PFDN1: variants seen among roughly 807,000 people sequenced by gnomAD.
PFDN1 encodes prefoldin subunit 1.
A neutral mutation model predicts 17.3 loss-of-function variants in PFDN1; 6 were observed. The ratio of observed to expected loss-of-function variants is 0.35; its 90% CI spans 0.19 to 0.69. The LOEUF is 0.69. PFDN1 is among the 30% of genes least tolerant of loss of function. PFDN1 has a pLI of 0.65. For synonymous variants in PFDN1, 58 were observed against 50.1 expected, an observed-to-expected ratio of 1.16 and a Z score of -0.67; for missense variants, 113 against 146.2, an observed-to-expected ratio of 0.77 and a Z score of 1.17.
rs531912777 is a variant in PFDN1 at position 140,301,025 on chromosome 5, T to C, written c.34-443A>G. Among the ~76,000 whole-genome samples the C allele has an allele frequency of 5.9e-5, 9 of 152,326 alleles. No individual in the cohort carries two copies. The East Asian group carries it at 1.7e-3, about 29-fold the overall frequency. On this transcript the variant is annotated intron_variant, in intron 1 of 3. Coordinates refer to ENST00000261813, the MANE Select transcript of PFDN1 (RefSeq NM_002622.5). Reference sequence around the variant, plus strand: ...TAAGAATATTAATGAGGAAATATAATAAATATCTCATTTATGCCTCTCAGT... The same window carrying C: ...TAAGAATATTAATGAGGAAATATAACAAATATCTCATTTATGCCTCTCAGT...
At chr5:140,295,892 G>A (rs1419518109) in intron 2 of PFDN1, among the ~76,000 whole-genome samples, 1 of 151,994 alleles carries the variant, frequency 6.6e-6, no homozygotes, top group African/African-American at 2.4e-5. Context: ...TGAAGATGAG[G>A]AAGGTAAAAT....
intron 3 of PFDN1, among the ~76,000 whole-genome samples, chr5:140,263,500 AC>A (rs1765091348): frequency 6.6e-6 from 1 of 152,230 alleles, no homozygotes; most frequent in Non-Finnish European, 1.5e-5. Context: ...AATAAAAGTT[AC>A]TTATTGTCTC....
chr5:140,251,920 T>A (rs1764919217), intron 3 of PFDN1, among the ~76,000 whole-genome samples: 1 of 152,226 alleles, frequency 6.6e-6, no homozygotes. Context: ...ATACATCTTG[T>A]GACGCTATCA....
intron 2 of PFDN1, among the ~76,000 whole-genome samples, chr5:140,295,761 A>G (rs906081644): frequency 1.3e-5 from 2 of 152,140 alleles, no homozygotes; most frequent in African/African-American, 4.8e-5. Flanking sequence ...AGCCATGTAT[A>G]AGAGGTATTT....
intron 2 of PFDN1, among the ~76,000 whole-genome samples, chr5:140,283,796 A>G (rs935759123): frequency 6.6e-6 from 1 of 152,228 alleles, no homozygotes; most frequent in African/African-American, 2.4e-5. Context: ...GAACAGTACT[A>G]AGTCTCAGTA....
chr5:140,268,285 CTGTT>C (rs555890836), intron 3 of PFDN1, among the ~76,000 whole-genome samples: 2 of 152,008 alleles, frequency 1.3e-5, no homozygotes, highest in African/African-American at 4.8e-5. Context: ...AATGGTGTAA[CTGTT>C]TGCATCAGCA....
intron 1 of PFDN1, among the ~76,000 whole-genome samples, chr5:140,302,310 T>C (rs1427472540): frequency 1.3e-5 from 2 of 152,220 alleles, no homozygotes; most frequent in Non-Finnish European, 2.9e-5. Context: ...GGGTCATTAG[T>C]GGTGTTAGAA....
intron 3 of PFDN1, among the ~76,000 whole-genome samples, chr5:140,261,904 C>T (rs559811137): frequency 1.1e-4 from 17 of 152,142 alleles, no homozygotes; most frequent in African/African-American, 3.4e-4. Context: ...ATGCAGGGCT[C>T]AGATCATGAT....
intron 3 of PFDN1, among the ~76,000 whole-genome samples, chr5:140,279,426 A>G (rs906316050): frequency 1.3e-5 from 2 of 152,136 alleles, no homozygotes; most frequent in African/African-American, 4.8e-5. Context: ...ATTTCTTAAT[A>G]TTCACCAGAA....
chr5:140,287,016 C>T (rs190895461), intron 2 of PFDN1, among the ~76,000 whole-genome samples: 24 of 152,274 alleles, frequency 1.6e-4, no homozygotes, highest in Non-Finnish European at 2.9e-4. Context: ...CGGTCTTTTT[C>T]GTACCATATT....
chr5:140,263,201 T>C (rs377626362), intron 3 of PFDN1, among the ~76,000 whole-genome samples: 2 of 152,240 alleles, frequency 1.3e-5, no homozygotes, highest in Non-Finnish European at 2.9e-5. Context: ...CGGCCCCTTC[T>C]GCTCTGCCAG....
intron 3 of PFDN1, among the ~76,000 whole-genome samples, chr5:140,268,036 T>C (rs1413706087): frequency 6.6e-6 from 1 of 152,232 alleles, no homozygotes; most frequent in Non-Finnish European, 1.5e-5. Flanking sequence ...CCTCACAAGA[T>C]GACTATGTAA....
chr5:140,292,413 G>A (rs536289265), intron 2 of PFDN1, among the ~76,000 whole-genome samples: 1 of 152,206 alleles, frequency 6.6e-6, no homozygotes, highest in Admixed American at 6.5e-5. Context: ...ACACATACAG[G>A]ATGCATATTG....
At chr5:140,260,711 T>C (rs1262363755) in intron 3 of PFDN1, among the ~76,000 whole-genome samples, 4 of 151,692 alleles carry the variant, frequency 2.6e-5, no homozygotes, top group East Asian at 1.9e-4. Context: ...CACTGCTTAA[T>C]AGTTAAGTTT....
At chr5:140,287,942 G>A (rs1457452988) in intron 2 of PFDN1, among the ~76,000 whole-genome samples, 2 of 152,340 alleles carry the variant, frequency 1.3e-5, no homozygotes, top group East Asian at 3.9e-4. Context: ...ACCATATGCC[G>A]ATGAAGCTGT....
At chr5:140,260,865 A>G (rs1340184739) in intron 3 of PFDN1, among the ~76,000 whole-genome samples, 3 of 152,012 alleles carry the variant, frequency 2.0e-5, no homozygotes, top group Non-Finnish European at 1.5e-5. Flanking sequence ...CCACAAGGGG[A>G]GAAGACAGGA....
At chr5:140,263,926 CAGG>C (rs1268408417) in intron 3 of PFDN1, among the ~76,000 whole-genome samples, 1 of 145,560 alleles carries the variant, frequency 6.9e-6, no homozygotes, top group Admixed American at 7.1e-5. Flanking sequence ...GAGGCTGAAG[CAGG>C]AGAATGGCGT....
intron 2 of PFDN1, among the ~76,000 whole-genome samples, chr5:140,290,965 G>A (rs138929708): frequency 5.2e-4 from 79 of 152,294 alleles, no homozygotes; most frequent in African/African-American, 1.8e-3. Flanking sequence ...GTGGGTGCTG[G>A]TTAGGTGTAT....
At chr5:140,262,634 G>A (rs971507648) in intron 3 of PFDN1, 1 of 445,048 alleles carries the variant, frequency 2.2e-6, no homozygotes, top group Non-Finnish European at 4.6e-6. Context: ...TAAACAACAC[G>A]GTGTTACCTA....
Sources: gnomAD v4.1 joint callset for allele counts (sites outside exome capture counted in the v4.1 genomes callset) on GRCh38, gnomAD v4.1.1 for gene constraint, MANE v1.5 for transcripts, NCBI Gene and HGNC (gene_info 2026-07-23, HGNC 2026-07-21) for gene names.